The following PPP2R2B variants were observed in gnomAD, a reference collection of about 807,000 sequenced individuals.
The protein encoded by PPP2R2B is protein phosphatase 2 regulatory subunit Bbeta, also known as serine/threonine-protein phosphatase 2A 55 kDa regulatory subunit B beta isoform.
Under a neutral mutation model 46.0 loss-of-function variants are expected in PPP2R2B, and 5 were observed. The observed-to-expected ratio is 0.11, with a 90% confidence interval of 0.06 to 0.23. The LOEUF (loss-of-function observed/expected upper bound fraction) is 0.23, where lower values mean the gene tolerates loss of function less well. PPP2R2B is among the 10% of genes least tolerant of loss of function. The pLI, the probability that PPP2R2B is intolerant of heterozygous loss-of-function variation, is 1.00. For synonymous variants in PPP2R2B, 215 were observed against 206.7 expected (o/e 1.04, Z -0.34); for missense variants, 367 against 575.0 (o/e 0.64, Z 3.70).
At chr5:146,807,717 G>T (rs1757260138) in intron 2 of PPP2R2B, among the ~76,000 whole-genome samples, 1 of 138,650 alleles carries the variant, frequency 7.2e-6, no homozygotes, top group African/African-American at 2.6e-5. Flanking sequence ...CAGAGTATGT[G>T]CTTAACCACC....
chr5:146,756,404 G>A (rs1365086075), intron 2 of PPP2R2B, among the ~76,000 whole-genome samples: 1 of 152,156 alleles, frequency 6.6e-6, no homozygotes, highest in East Asian at 1.9e-4. Flanking sequence ...CTGCATGCTA[G>A]CTTCCTCAGC....
intron 5 of PPP2R2B, among the ~76,000 whole-genome samples, chr5:146,655,847 A>C (rs1776291343): frequency 6.6e-6 from 1 of 150,886 alleles, no homozygotes; most frequent in Non-Finnish European, 1.5e-5. Context: ...CAGAAAGGAG[A>C]AGACTACCAA....
intron 2 of PPP2R2B, among the ~76,000 whole-genome samples, chr5:146,717,924 G>T (rs564855766): frequency 6.6e-6 from 1 of 152,108 alleles, no homozygotes; most frequent in African/African-American, 2.4e-5. Context: ...TCCTGAGAGT[G>T]GACTTTTCTG....
intron 2 of PPP2R2B, among the ~76,000 whole-genome samples, chr5:146,836,454 T>C (rs568585031): frequency 1.3e-5 from 2 of 152,288 alleles, no homozygotes; most frequent in Non-Finnish European, 2.9e-5. Context: ...CTGTCCCAAA[T>C]TGCAACGAAC....
chr5:146,852,342 C>A (rs888968541), intron 2 of PPP2R2B, among the ~76,000 whole-genome samples: 2 of 152,092 alleles, frequency 1.3e-5, no homozygotes, highest in Non-Finnish European at 2.9e-5. Flanking sequence ...ACTAATCATG[C>A]CTTTGTTTTT....
chr5:146,623,130 A>C (rs1431197074), intron 7 of PPP2R2B, among the ~76,000 whole-genome samples: 1 of 152,252 alleles, frequency 6.6e-6, no homozygotes, highest in African/African-American at 2.4e-5. Context: ...ACGTTGGATT[A>C]ACACAAATTT....
chr5:146,983,332 C>T (rs1402960949), intron 1 of PPP2R2B, among the ~76,000 whole-genome samples: 4 of 151,936 alleles, frequency 2.6e-5, no homozygotes, highest in Non-Finnish European at 1.5e-5. Flanking sequence ...AGGCGTCCGC[C>T]ACCACGCCCG....
rs869248861 is a variant in PPP2R2B, at chr5:146,861,047, A to ATTTTTTTTTTTTT, written c.70+16954_70+16955insAAAAAAAAAAAAA. On this transcript the variant is annotated intron_variant, in intron 2 of 9. Coordinates refer to ENST00000394411, the MANE Select transcript of PPP2R2B (RefSeq NM_181675.4). ...ACTCCTCTTCCAGCATTCAAACTGA[A>ATTTTTTTTTTTTT]TTTTTTCTTTTTTTTTTTTTTTTTT... Among the ~76,000 whole-genome samples, 3 of 132,174 alleles carry ATTTTTTTTTTTTT rather than the reference A, an allele frequency of 2.3e-5. 1 individual carries two copies. The highest frequency in any genetic ancestry group is 3.0e-5 in the African/African-American group (1 of 33,606). The allele number at this position is 132,174 out of a possible 152,430, so 86.7% of individuals were successfully genotyped here. A position where few individuals can be genotyped will look rare whatever the true frequency, so the allele number is the denominator to read the frequency against.
At chr5:146,622,996 T>G (rs953713305) in intron 7 of PPP2R2B, among the ~76,000 whole-genome samples, 9 of 152,232 alleles carry the variant, frequency 5.9e-5, no homozygotes, top group Admixed American at 5.2e-4. Context: ...ACCTTTTATC[T>G]GATGTTAGAT....
At chr5:146,659,465 G>A (rs2151105970) in intron 5 of PPP2R2B, among the ~76,000 whole-genome samples, 1 of 152,264 alleles carries the variant, frequency 6.6e-6, no homozygotes, top group East Asian at 1.9e-4. Context: ...GTGGCCTTGG[G>A]TTTGCTGCTT....
chr5:146,684,347 G>T (rs543076882), intron 5 of PPP2R2B, among the ~76,000 whole-genome samples: 3 of 152,324 alleles, frequency 2.0e-5, no homozygotes. Flanking sequence ...CCAATAATTT[G>T]CACTAAATCT....
chr5:146,918,665 G>C (rs1763482936), intron 1 of PPP2R2B, among the ~76,000 whole-genome samples: 2 of 152,052 alleles, frequency 1.3e-5, no homozygotes, highest in Non-Finnish European at 2.9e-5. Flanking sequence ...GATGGGTCTG[G>C]TCTCATCTAT....
At chr5:146,940,611 T>C (rs1329925328) in intron 1 of PPP2R2B, among the ~76,000 whole-genome samples, 1 of 152,114 alleles carries the variant, frequency 6.6e-6, no homozygotes, top group Non-Finnish European at 1.5e-5. Flanking sequence ...GAATGCCACC[T>C]CTACCCTTTG....
intron 7 of PPP2R2B, among the ~76,000 whole-genome samples, chr5:146,624,411 C>T (rs971560994): frequency 6.6e-6 from 1 of 152,148 alleles, no homozygotes; most frequent in Non-Finnish European, 1.5e-5. Context: ...ACTTCACCCT[C>T]TACATCTTTT....
chr5:146,699,661 GTTTTTTTTTTTTT>G (rs11388336), intron 3 of PPP2R2B, among the ~76,000 whole-genome samples: 1 of 118,056 alleles, frequency 8.5e-6, no homozygotes, highest in African/African-American at 3.3e-5. Flanking sequence ...AACTTAATTG[GTTTTTTTTTTTTT>G]TTTTTTTTTT....
intron 2 of PPP2R2B, among the ~76,000 whole-genome samples, chr5:146,762,167 T>G (rs1448871649): frequency 6.6e-6 from 1 of 152,162 alleles, no homozygotes. Context: ...GGACAAAATG[T>G]TAAAGAAAAA....
chr5:146,830,364 AT>A (rs1758852037), intron 2 of PPP2R2B, among the ~76,000 whole-genome samples: 1 of 152,238 alleles, frequency 6.6e-6, no homozygotes, highest in South Asian at 2.1e-4. Context: ...AATCGTAGTC[AT>A]ATCCACTCAA....
At chr5:146,765,245 T>C (rs891183261) in intron 2 of PPP2R2B, among the ~76,000 whole-genome samples, 1 of 152,354 alleles carries the variant, frequency 6.6e-6, no homozygotes, top group African/African-American at 2.4e-5. Context: ...GATATCTGAA[T>C]GCTTTCACAT....
chr5:146,982,994 C>T (rs1753243575), intron 1 of PPP2R2B, among the ~76,000 whole-genome samples: 1 of 151,832 alleles, frequency 6.6e-6, no homozygotes, highest in Admixed American at 6.6e-5. Flanking sequence ...TAATTTCTGT[C>T]CTTTAATTGG....
Sources: gnomAD v4.1 joint callset for allele counts (sites outside exome capture counted in the v4.1 genomes callset) on GRCh38, gnomAD v4.1.1 for gene constraint, MANE v1.5 for transcripts, NCBI Gene and HGNC (gene_info 2026-07-23, HGNC 2026-07-21) for gene names.